PDE10A: variants seen among roughly 807,000 people sequenced by gnomAD.
PDE10A encodes phosphodiesterase 10A.
In PDE10A, 39 loss-of-function variants were observed where a neutral mutation model predicts 97.7. The ratio of observed to expected loss-of-function variants is 0.40; its 90% CI spans 0.31 to 0.52. The LOEUF (loss-of-function observed/expected upper bound fraction) is 0.52. Ranked by LOEUF, PDE10A falls within the 20% of genes least tolerant of loss-of-function variation. The probability of loss-of-function intolerance (pLI) is 0.56; values close to 1 mark genes in which losing one functional copy is unlikely to be tolerated. For missense variants in PDE10A, 731 were observed against 1,047.8 expected, an observed-to-expected ratio of 0.70 and a Z score of 4.17; for synonymous variants, 371 against 376.8, an observed-to-expected ratio of 0.98 and a Z score of 0.18.
At chr6:165,878,512 G>A (rs975596907) in intron 1 of PDE10A, among the ~76,000 whole-genome samples, 1 of 152,152 alleles carries the variant, frequency 6.6e-6, no homozygotes, top group African/African-American at 2.4e-5. Flanking sequence ...TAGAAGCCTC[G>A]ATGATAAGGA....
intron 1 of PDE10A, among the ~76,000 whole-genome samples, chr6:165,656,892 G>A (rs534677407): frequency 5.1e-4 from 77 of 152,300 alleles, no homozygotes; most frequent in African/African-American, 1.7e-3. Flanking sequence ...TGTGCTCCTC[G>A]AAATAACTGA....
chr6:165,795,215 C>A (rs996452029), intron 1 of PDE10A, among the ~76,000 whole-genome samples: 2 of 152,176 alleles, frequency 1.3e-5, no homozygotes, highest in East Asian at 3.9e-4. Flanking sequence ...CTTTTTCCTT[C>A]CCTTTCTCTC....
At chr6:165,866,650 A>G (rs1781058976) in intron 1 of PDE10A, among the ~76,000 whole-genome samples, 1 of 134,576 alleles carries the variant, frequency 7.4e-6, no homozygotes, top group African/African-American at 2.8e-5. Flanking sequence ...AAAGACAAAG[A>G]GAATTCTAAA....
intron 1 of PDE10A, among the ~76,000 whole-genome samples, chr6:165,870,728 A>G (rs1562775605): frequency 6.6e-6 from 1 of 152,202 alleles, no homozygotes; most frequent in African/African-American, 2.4e-5. Flanking sequence ...GGATAAATAG[A>G]TAAAGAAAAT....
intron 1 of PDE10A, among the ~76,000 whole-genome samples, chr6:165,654,101 C>T (rs979469978): frequency 6.6e-6 from 1 of 152,158 alleles, no homozygotes; most frequent in East Asian, 1.9e-4. Context: ...ATTGTGCATA[C>T]CTTTGTGTTT....
At chr6:165,986,884 T>G (rs1785238857) in intron 1 of PDE10A, among the ~76,000 whole-genome samples, 1 of 152,114 alleles carries the variant, frequency 6.6e-6, no homozygotes, top group Admixed American at 6.5e-5. Context: ...TGCTGCAGAA[T>G]GCAATCTAGT....
intron 1 of PDE10A, among the ~76,000 whole-genome samples, chr6:165,642,109 C>A (rs375705306): frequency 6.6e-6 from 1 of 152,172 alleles, no homozygotes; most frequent in Admixed American, 6.5e-5. Context: ...TGGAAAGCCA[C>A]GCCTGCAGTT....
intron 1 of PDE10A, among the ~76,000 whole-genome samples, chr6:165,614,389 A>G (rs1332078553): frequency 1.3e-5 from 2 of 151,814 alleles, no homozygotes; most frequent in Non-Finnish European, 2.9e-5. Context: ...CCAACCACTC[A>G]CCTTCCTAGG....
chr6:165,734,498 C>T (rs1221045778), intron 1 of PDE10A, among the ~76,000 whole-genome samples: 2 of 151,882 alleles, frequency 1.3e-5, no homozygotes, highest in African/African-American at 2.4e-5. Context: ...GATCCAAAAC[C>T]ATAATTTAAA....
intron 1 of PDE10A, among the ~76,000 whole-genome samples, chr6:165,694,697 C>G (rs1041915881): frequency 2.6e-5 from 4 of 152,202 alleles, no homozygotes; most frequent in Non-Finnish European, 4.4e-5. Context: ...CTGTAAGCTC[C>G]TATGTGTCAA....
rs548012661 is a variant in PDE10A at position 165,374,412 on chromosome 6, T to C, written c.2783+4782A>G. Among the ~76,000 whole-genome samples the C allele has an allele frequency of 1.7e-3, 260 of 152,030 alleles. 1 individual carries two copies. The highest frequency in any genetic ancestry group is 3.4e-3 in the Middle Eastern group (1 of 294). ...CTAATGTAAAGAAATATGTGTAATA[T>C]ATAACAGAAAATTTTAATATCCTTA... On this transcript the variant is annotated intron_variant, in intron 18 of 21. Transcript: ENST00000539869.
intron 3 of PDE10A, among the ~76,000 whole-genome samples, chr6:165,473,415 C>G (rs910696335): frequency 1.3e-5 from 2 of 152,128 alleles, no homozygotes; most frequent in African/African-American, 4.8e-5. Flanking sequence ...AGGATCCAAG[C>G]CCAGGTGTTG....
At chr6:165,888,902 T>G (rs1781703662) in intron 1 of PDE10A, among the ~76,000 whole-genome samples, 1 of 152,192 alleles carries the variant, frequency 6.6e-6, no homozygotes. Flanking sequence ...CATAGATAAT[T>G]CAAACATCCA....
At chr6:165,867,423 A>C (rs1377354761) in intron 1 of PDE10A, among the ~76,000 whole-genome samples, 1 of 152,052 alleles carries the variant, frequency 6.6e-6, no homozygotes, top group Non-Finnish European at 1.5e-5. Flanking sequence ...AAACAAAAAA[A>C]GACACAAAGA....
chr6:165,515,728 T>G (rs1781764032), intron 2 of PDE10A, among the ~76,000 whole-genome samples: 1 of 152,184 alleles, frequency 6.6e-6, no homozygotes, highest in African/African-American at 2.4e-5. Flanking sequence ...TTCACCATGT[T>G]GATCAGGCTG....
intron 3 of PDE10A, among the ~76,000 whole-genome samples, chr6:165,466,974 CT>C (rs1778691760): frequency 6.6e-6 from 1 of 152,102 alleles, no homozygotes. Flanking sequence ...AAGTGCTAAT[CT>C]AAAGAACATA....
intron 1 of PDE10A, among the ~76,000 whole-genome samples, chr6:165,950,506 C>T (rs1030962322): frequency 1.3e-5 from 2 of 152,152 alleles, no homozygotes; most frequent in East Asian, 1.9e-4. Flanking sequence ...GGACACCGGG[C>T]GGGAGCTCCA....
intron 1 of PDE10A, among the ~76,000 whole-genome samples, chr6:165,590,157 C>T (rs557161266): frequency 2.0e-4 from 31 of 152,080 alleles, no homozygotes; most frequent in African/African-American, 6.8e-4. Context: ...GAAAAGGTTC[C>T]GGGATAGAAT....
intron 18 of PDE10A, among the ~76,000 whole-genome samples, chr6:165,365,181 G>A (rs507362): frequency 0.57 from 85,976 of 151,964 alleles, 25,643 homozygotes; most frequent in African/African-American, 0.77. Flanking sequence ...AAATAAAAAT[G>A]TAAAACACTG....
Sources: gnomAD v4.1 joint callset for allele counts (sites outside exome capture counted in the v4.1 genomes callset) on GRCh38, gnomAD v4.1.1 for gene constraint, MANE v1.5 for transcripts, NCBI Gene and HGNC (gene_info 2026-07-23, HGNC 2026-07-21) for gene names.